TIMP2: variants seen among roughly 807,000 people sequenced by gnomAD.
The protein encoded by TIMP2 is TIMP metallopeptidase inhibitor 2.
Under a neutral mutation model 24.3 loss-of-function variants are expected in TIMP2, and 5 were observed. That is an observed-to-expected ratio of 0.21 (90% CI 0.11 to 0.43). The LOEUF (loss-of-function observed/expected upper bound fraction) is 0.43. Among genes scored for constraint, TIMP2 ranks in the 20% least tolerant of loss-of-function variants. The probability of loss-of-function intolerance (pLI) is 1.00; values close to 1 mark genes in which losing one functional copy is unlikely to be tolerated. For missense variants in TIMP2, 221 were observed against 297.5 expected (o/e 0.74, Z 1.89); for synonymous variants, 130 against 123.2 (o/e 1.06, Z -0.37).
At chr17:78,906,731 C>A (rs1182512696) in intron 1 of TIMP2, among the ~76,000 whole-genome samples, 1 of 151,450 alleles carries the variant, frequency 6.6e-6, no homozygotes, top group East Asian at 2.0e-4. Context: ...TACAGGCCTG[C>A]GCCACCACAC....
In TIMP2 at chr17:78,855,600, G is replaced by T; in HGVS notation, c.*67C>A. 6.4e-7 allele frequency: 1 copy of T among 1,557,714 alleles called. No homozygotes were observed. The highest frequency in any genetic ancestry group is 8.8e-7 in the Non-Finnish European group (1 of 1,142,546). On this transcript the variant is annotated 3_prime_UTR_variant, in exon 5 of 5. Transcript: ENST00000262768. This position sits in a 1 kb window ranked among gnomAD's most constrained non-coding sequence, Gnocchi z 6.0. ...ATGCTGTTTCCAGGAAGGGATGTCA[G>T]AGCTGGACCAGTCGAAACCCTTGGA...
intron 1 of TIMP2, among the ~76,000 whole-genome samples, chr17:78,895,151 C>T (rs547678913): frequency 1.3e-5 from 2 of 152,086 alleles, no homozygotes; most frequent in Admixed American, 6.6e-5. Flanking sequence ...TGTGGTGGTA[C>T]GCACCTATAA....
At chr17:78,892,564 A>G (rs1025518492) in intron 1 of TIMP2, 69 of 1,451,686 alleles carry the variant, frequency 4.8e-5, no homozygotes, top group Non-Finnish European at 6.1e-5. Context: ...GACAGGCTGC[A>G]AAATGTGCCC....
rs939659080 is a variant in TIMP2 at position 78,862,633 on chromosome 17, G to T, written c.341-4987C>A. Among the ~76,000 whole-genome samples, 5 of 152,356 alleles carry T rather than the reference G, an allele frequency of 3.3e-5. No individual in the cohort carries two copies. The South Asian group carries it at 1.0e-3, about 32-fold the overall frequency. ...GTATATTGTGTGTCCCTGAGGTTTG[G>T]CATATGAACGGATCCATCGCCCAGG... On this transcript the variant is annotated intron_variant, in intron 3 of 4. Transcript: ENST00000262768.
At chr17:78,884,116 G>A (rs1328092904) in intron 1 of TIMP2, among the ~76,000 whole-genome samples, 4 of 152,232 alleles carry the variant, frequency 2.6e-5, no homozygotes, top group Admixed American at 6.5e-5. Context: ...AGCAGGGACA[G>A]GAGCAGGACC....
At chr17:78,884,107 G>A (rs73395154) in intron 1 of TIMP2, among the ~76,000 whole-genome samples, 1 of 152,326 alleles carries the variant, frequency 6.6e-6, no homozygotes, top group African/African-American at 2.4e-5. Context: ...CAGAGCCGGA[G>A]CAGGGACAGG....
intron 3 of TIMP2, among the ~76,000 whole-genome samples, chr17:78,860,672 T>C (rs1485914947): frequency 6.6e-6 from 1 of 152,202 alleles, no homozygotes; most frequent in Non-Finnish European, 1.5e-5. Flanking sequence ...GATGAGAAAG[T>C]AGAATTACTC....
At chr17:78,872,497 C>G (rs575864973) in intron 2 of TIMP2, among the ~76,000 whole-genome samples, 13 of 152,188 alleles carry the variant, frequency 8.5e-5, no homozygotes, top group African/African-American at 3.1e-4. Flanking sequence ...TTTTTCCCCC[C>G]GAAGAGTTTC....
rs1335232133 is a variant in TIMP2 at position 78,891,753 on chromosome 17, C to G, written c.131-17834G>C. The G allele has an allele frequency of 6.4e-7, 1 of 1,551,230 alleles. No individual in the cohort carries two copies. The highest frequency in any genetic ancestry group is 2.4e-5 in the East Asian group (1 of 40,914). ...GCAGCCACGAGTGGGTTTGACCTTT[C>G]TAGGTCCGCCCCTTTGCTCCTCCGA... On this transcript the variant is annotated intron_variant, in intron 1 of 4. Coordinates refer to ENST00000262768, the MANE Select transcript of TIMP2 (RefSeq NM_003255.5). This position sits in a 1 kb window ranked among gnomAD's most constrained non-coding sequence, Gnocchi z 4.5.
intron 1 of TIMP2, among the ~76,000 whole-genome samples, chr17:78,908,223 G>C (rs1451229985): frequency 1.3e-5 from 2 of 152,220 alleles, no homozygotes; most frequent in Non-Finnish European, 2.9e-5. Flanking sequence ...CCCTGCTACT[G>C]TATATATAGG....
chr17:78,914,260 CATTT>C (rs200386858), intron 1 of TIMP2, among the ~76,000 whole-genome samples: 153 of 97,134 alleles, frequency 1.6e-3, no homozygotes, highest in South Asian at 0.013. Context: ...TTTGGCTATT[CATTT>C]ATTTATTTAT....
chr17:78,863,388 G>A (rs937345067), intron 3 of TIMP2, among the ~76,000 whole-genome samples: 1 of 151,988 alleles, frequency 6.6e-6, no homozygotes. Flanking sequence ...GACTGCAGGC[G>A]CCCGCCACCA....
At position 78,873,754 on chromosome 17, in the gene TIMP2, T is replaced by C. The variant is rs545744173; in HGVS notation, c.231+65A>G. ...TCGTGTTCCAGGGACCCAGGCTCTC[T>C]GCCAACCCCAACACCCCACAGCTGT... is the stretch of plus-strand genomic sequence containing the variant. On this transcript the variant is annotated intron_variant, in intron 2 of 4. Transcript: ENST00000262768. 39 of 1,418,388 alleles carry C rather than the reference T, an allele frequency of 2.7e-5. No homozygotes were observed. In the East Asian group the frequency reaches 4.8e-4, roughly 18 times the overall value. 87.9% of individuals were successfully genotyped at this position (1,418,388 alleles called of 1,614,324 possible). A position where few individuals can be genotyped will look rare whatever the true frequency, so the allele number is the denominator to read the frequency against.
rs926038167 is a variant in TIMP2, at chr17:78,873,993, G to C, written c.131-74C>G. The C allele has an allele frequency of 3.6e-6, 5 of 1,398,958 alleles. 1 individual carries two copies. In the South Asian group the frequency reaches 5.8e-5, roughly 16 times the overall value. 86.7% of individuals were successfully genotyped at this position (1,398,958 alleles called of 1,614,324 possible). A position where few individuals can be genotyped will look rare whatever the true frequency, so the allele number is the denominator to read the frequency against. On this transcript the variant is annotated intron_variant, in intron 1 of 4. Coordinates refer to ENST00000262768, the MANE Select transcript of TIMP2 (RefSeq NM_003255.5). ...CTGGGGCTAAGGAGAGGGATAAGAC[G>C]TCCAGGCCTGCGGGAGGTGCTGGGG...
rs563902985 is a variant in TIMP2 at position 78,900,327 on chromosome 17, C to T, written c.130+24632G>A. Among the ~76,000 whole-genome samples the T allele has an allele frequency of 9.9e-5, 15 of 152,272 alleles. 1 individual carries two copies. The highest frequency in any genetic ancestry group is 3.6e-4 in the African/African-American group (15 of 41,544). On this transcript the variant is annotated intron_variant, in intron 1 of 4. Coordinates refer to ENST00000262768, the MANE Select transcript of TIMP2 (RefSeq NM_003255.5). ...TTGGGAGGCTGAGGTGGCTGGATCA[C>T]CTCACGACAGGAGTTCGAGACCAGC...
Position 78,893,626 on chromosome 17 carries a change from G to A in TIMP2, c.131-19707C>T, listed in dbSNP as rs182855738. Reference sequence around the variant, plus strand: ...CTGTGTGTGCCTCTGTGTGCATGTCGGTGTGTGTATGTGTATGTGTCCGTG... The same window carrying A: ...CTGTGTGTGCCTCTGTGTGCATGTCAGTGTGTGTATGTGTATGTGTCCGTG... On this transcript the variant is annotated intron_variant, in intron 1 of 4. Transcript: ENST00000262768. Among the ~76,000 whole-genome samples, 10 of 151,938 alleles carry A rather than the reference G, an allele frequency of 6.6e-5. No individual in the cohort carries two copies. The South Asian group carries it at 1.0e-3, about 16-fold the overall frequency.
rs1352677426 is a variant in TIMP2, at chr17:78,925,098, G to C, written c.-10C>G. 10 of 978,154 alleles carry C rather than the reference G, an allele frequency of 1.0e-5. No homozygotes were observed. The Admixed American group carries it at 5.6e-4, about 55-fold the overall frequency. 60.6% of individuals were successfully genotyped at this position (978,154 alleles called of 1,614,324 possible). A position where few individuals can be genotyped will look rare whatever the true frequency, so the allele number is the denominator to read the frequency against. On this transcript the variant is annotated 5_prime_UTR_variant, in exon 1 of 5. Coordinates refer to ENST00000262768, the MANE Select transcript of TIMP2 (RefSeq NM_003255.5). ...GGGCCGCGGCGCCCATGGCGGGCCG[G>C]GGGGCTGGGCGGGCGGGGGCCGCCG...
intron 1 of TIMP2, chr17:78,890,529 C>A: frequency 7.8e-7 from 1 of 1,275,328 alleles, no homozygotes. Flanking sequence ...TTTAAAGAGG[C>A]CTAATAGTCT....
At chr17:78,919,783 C>T (rs2070295039) in intron 1 of TIMP2, among the ~76,000 whole-genome samples, 1 of 151,930 alleles carries the variant, frequency 6.6e-6, no homozygotes, top group South Asian at 2.1e-4. Flanking sequence ...TGCAGTGAGC[C>T]AAGATAGCGC....
Sources: gnomAD v4.1 joint callset for allele counts (sites outside exome capture counted in the v4.1 genomes callset) on GRCh38, gnomAD v4.1.1 for gene constraint, Gnocchi (gnomAD v3.1) non-coding constraint, MANE v1.5 for transcripts, NCBI Gene and HGNC (gene_info 2026-07-23, HGNC 2026-07-21) for gene names.